The following PSEN1 variants were observed in gnomAD, a reference collection of about 807,000 sequenced individuals.
The protein encoded by PSEN1 is presenilin 1, also known as presenilin-1.
Under a neutral mutation model 53.5 loss-of-function variants are expected in PSEN1, and 15 were observed. The observed-to-expected ratio is 0.28, with a 90% CI of 0.19 to 0.43. The LOEUF is 0.43. Among genes scored for constraint, PSEN1 ranks in the 20% least tolerant of loss-of-function variants. PSEN1 has a pLI of 1.00. For synonymous variants in PSEN1, 208 were observed against 209.8 expected, an observed-to-expected ratio of 0.99 and a Z score of 0.08; for missense variants, 387 against 571.2, an observed-to-expected ratio of 0.68 and a Z score of 3.29.
intron 8 of PSEN1, among the ~76,000 whole-genome samples, chr14:73,203,201 C>T (rs1389857239): frequency 6.6e-6 from 1 of 152,160 alleles, no homozygotes; most frequent in Non-Finnish European, 1.5e-5. Flanking sequence ...GCCTCGGCCT[C>T]CTGAGTAGCT....
Position 73,219,538 on chromosome 14 carries a change from T to A in PSEN1, c.*249T>A. ...TCCCTCGGTGCAGAAACTACCAGAT[T>A]TGAGGGACGAGGTCAAGGAGATATG... is the stretch of plus-strand genomic sequence containing the variant. On this transcript the variant is annotated 3_prime_UTR_variant, in exon 12 of 12. Transcript: ENST00000324501. 2.0e-6 allele frequency: 1 copy of A among 495,832 alleles called. No homozygotes were observed. Among genetic ancestry groups the A allele is most frequent in the South Asian group, 2.0e-5 (1 of 48,926 alleles). The allele number at this position is 495,832 out of a possible 1,614,324, so 30.7% of individuals were successfully genotyped here.
At chr14:73,171,187 T>C (rs1483602691) in intron 4 of PSEN1, 140 bp downstream of exon 4, 4 of 993,610 alleles carry the variant, frequency 4.0e-6, no homozygotes, top group African/African-American at 3.2e-5. Flanking sequence ...TCAGGAGCAG[T>C]TGAGAGAGCG....
In PSEN1 at chr14:73,205,201, G is replaced by A. The variant is rs575745672; in HGVS notation, c.869-1185G>A. 1.7e-3 allele frequency among the ~76,000 whole-genome samples: 259 copies of A among 152,138 alleles called. 2 individuals carry two copies. The highest frequency in any genetic ancestry group is 5.7e-3 in the African/African-American group (238 of 41,540). On this transcript the variant is annotated intron_variant, in intron 8 of 11. Coordinates refer to ENST00000324501, the MANE Select transcript of PSEN1 (RefSeq NM_000021.4). ...TTTAAAATTACTGTGACCAGGCCGG[G>A]CGTGGTGGCTCACGCCTGTAATCCC...
intron 9 of PSEN1, among the ~76,000 whole-genome samples, chr14:73,207,996 T>G (rs552451936): frequency 9.9e-5 from 15 of 152,284 alleles, no homozygotes; most frequent in African/African-American, 2.6e-4. Context: ...AGAAATATAC[T>G]GGAAAGAATT....
At chr14:73,169,549 G>A (rs1194639846) in intron 3 of PSEN1, 1 of 152,110 alleles carries the variant, frequency 6.6e-6, no homozygotes, top group African/African-American at 2.4e-5. Flanking sequence ...GTGTTCCATT[G>A]TGTTCCTTAT....
At chr14:73,144,724 T>C (rs942354750) in intron 1 of PSEN1, among the ~76,000 whole-genome samples, 1 of 152,230 alleles carries the variant, frequency 6.6e-6, no homozygotes, top group Non-Finnish European at 1.5e-5. Context: ...GTTTTACATA[T>C]AAGTAGACAG....
intron 8 of PSEN1, among the ~76,000 whole-genome samples, chr14:73,202,313 T>C (rs1899222979): frequency 6.7e-6 from 1 of 148,296 alleles, no homozygotes; most frequent in East Asian, 2.0e-4. Context: ...CAGAGATGGG[T>C]GAGGAATTAG....
intron 5 of PSEN1, among the ~76,000 whole-genome samples, chr14:73,179,802 C>T (rs1898153631): frequency 6.6e-6 from 1 of 152,122 alleles, no homozygotes. Flanking sequence ...TTCTAATTCC[C>T]CAGCCCACCT....
chr14:73,171,391 TC>T (rs1158815072), intron 4 of PSEN1, among the ~76,000 whole-genome samples: 1 of 152,206 alleles, frequency 6.6e-6, no homozygotes, highest in African/African-American at 2.4e-5. Flanking sequence ...TGGATTAAAT[TC>T]CTGTCATCCC....
At chr14:73,165,187 C>T (rs1347041820) in intron 3 of PSEN1, among the ~76,000 whole-genome samples, 5 of 152,120 alleles carry the variant, frequency 3.3e-5, no homozygotes, top group Middle Eastern at 3.4e-3. Flanking sequence ...AACTCCTGAC[C>T]TCGGGTGATC....
At chr14:73,185,224 A>G (rs1323233148) in intron 5 of PSEN1, among the ~76,000 whole-genome samples, 1 of 152,142 alleles carries the variant, frequency 6.6e-6, no homozygotes, top group Non-Finnish European at 1.5e-5. Flanking sequence ...CAGAGGCTAC[A>G]ATCTCGGCAC....
At chr14:73,149,698 C>T (rs1055451428) in intron 3 of PSEN1, among the ~76,000 whole-genome samples, 1 of 152,112 alleles carries the variant, frequency 6.6e-6, no homozygotes, top group South Asian at 2.1e-4. Context: ...CAGTCCTGAG[C>T]AGTAGGATCA....
At chr14:73,218,145 G>A (rs1354396454) in intron 11 of PSEN1, among the ~76,000 whole-genome samples, 1 of 137,880 alleles carries the variant, frequency 7.3e-6, no homozygotes, top group African/African-American at 2.8e-5. Context: ...AAACTAGAGT[G>A]CAGTGACATT....
chr14:73,157,104 A>G (rs1306870764), intron 3 of PSEN1, among the ~76,000 whole-genome samples: 1 of 150,636 alleles, frequency 6.6e-6, no homozygotes, highest in Non-Finnish European at 1.5e-5. Context: ...CAAAGCACCT[A>G]CACACTCCCT....
intron 5 of PSEN1, among the ~76,000 whole-genome samples, chr14:73,177,026 T>G (rs889142695): frequency 2.0e-5 from 3 of 152,210 alleles, no homozygotes; most frequent in Non-Finnish European, 4.4e-5. Context: ...TTCTGGACCT[T>G]ATTGCCATTT....
At chr14:73,150,297 CA>C (rs1566618546) in intron 3 of PSEN1, among the ~76,000 whole-genome samples, 1 of 152,068 alleles carries the variant, frequency 6.6e-6, no homozygotes, top group Non-Finnish European at 1.5e-5. Flanking sequence ...AGTTATATGA[CA>C]AAAAATTGCA....
At chr14:73,205,422 T>A (rs1290835458) in intron 8 of PSEN1, among the ~76,000 whole-genome samples, 3 of 141,384 alleles carry the variant, frequency 2.1e-5, no homozygotes, top group African/African-American at 5.4e-5. Flanking sequence ...GAGCTTGCAG[T>A]GAGCCGAGAT....
At chr14:73,169,941 T>A (rs1897837420) in intron 3 of PSEN1, among the ~76,000 whole-genome samples, 1 of 152,180 alleles carries the variant, frequency 6.6e-6, no homozygotes, top group Non-Finnish European at 1.5e-5. Context: ...GCCTGTTACT[T>A]GATTATATGC....
chr14:73,162,489 A>C (rs553820765), intron 3 of PSEN1, among the ~76,000 whole-genome samples: 26 of 150,918 alleles, frequency 1.7e-4, no homozygotes, highest in Non-Finnish European at 3.1e-4. Context: ...AGAGAGAGAG[A>C]GAGAGCACGC....
Sources: allele counts gnomAD v4.1 joint callset (sites outside exome capture counted in the v4.1 genomes callset), GRCh38; gene constraint gnomAD v4.1.1; transcripts MANE v1.5; gene names NCBI Gene and HGNC (gene_info 2026-07-23, HGNC 2026-07-21).